The following BCAR3 variants were observed in gnomAD, a reference collection of about 807,000 sequenced individuals.
BCAR3 encodes BCAR3 adaptor protein, NSP family member.
BCAR3 carries 37 observed loss-of-function variants against 80.1 expected under a neutral mutation model. The observed-to-expected ratio is 0.46, with a 90% CI of 0.36 to 0.61. BCAR3 has a LOEUF of 0.61. Ranked by LOEUF, BCAR3 falls within the 20% of genes least tolerant of loss-of-function variation. The pLI, the probability that BCAR3 is intolerant of heterozygous loss-of-function variation, is 0.00. For synonymous variants in BCAR3, 389 were observed against 418.9 expected, an observed-to-expected ratio of 0.93 and a Z score of 0.87; for missense variants, 978 against 1,068.2, an observed-to-expected ratio of 0.92 and a Z score of 1.18.
chr1:93,640,170 G>A (rs1675932730), intron 3 of BCAR3, among the ~76,000 whole-genome samples: 1 of 152,116 alleles, frequency 6.6e-6, no homozygotes, highest in Admixed American at 6.5e-5. Context: ...GCACCAGCTG[G>A]CATCAACTTA....
intron 2 of BCAR3, among the ~76,000 whole-genome samples, chr1:93,790,812 C>T (rs1653127094): frequency 2.5e-5 from 2 of 79,358 alleles, no homozygotes; most frequent in African/African-American, 6.0e-5. Flanking sequence ...CCTCCCCCGA[C>T]CCCACCACAG....
intron 2 of BCAR3, among the ~76,000 whole-genome samples, chr1:93,841,067 G>A (rs1654944413): frequency 6.6e-6 from 1 of 152,028 alleles, no homozygotes; most frequent in South Asian, 2.1e-4. Context: ...GGGAATCCAG[G>A]AGTCCCTCCC....
chr1:93,581,876 A>G (rs1386462416), intron 7 of BCAR3, among the ~76,000 whole-genome samples: 1 of 152,240 alleles, frequency 6.6e-6, no homozygotes. Flanking sequence ...TTCATCTACA[A>G]TCTACTCTCC....
At chr1:93,677,529 G>A (rs1253066415) in intron 1 of BCAR3, among the ~76,000 whole-genome samples, 2 of 152,170 alleles carry the variant, frequency 1.3e-5, no homozygotes, top group African/African-American at 4.8e-5. Context: ...AGGAGGCAGG[G>A]AGGTTACTGA....
chr1:93,703,452 A>G (rs1468918810), intron 3 of BCAR3, among the ~76,000 whole-genome samples: 1 of 151,856 alleles, frequency 6.6e-6, no homozygotes, highest in Non-Finnish European at 1.5e-5. Flanking sequence ...CTGTAGTCCT[A>G]CCTACTCGGG....
intron 2 of BCAR3, among the ~76,000 whole-genome samples, chr1:93,708,734 A>G (rs1649911334): frequency 6.6e-6 from 1 of 152,198 alleles, no homozygotes; most frequent in Admixed American, 6.5e-5. Context: ...TATCTACAAA[A>G]AAAGACCATC....
chr1:93,731,653 A>AAAAT (rs1650794856), intron 2 of BCAR3, among the ~76,000 whole-genome samples: 1 of 40,800 alleles, frequency 2.5e-5, no homozygotes, highest in African/African-American at 6.6e-5. Context: ...AAAGTAAAAT[A>AAAAT]AAATAAAATA....
At chr1:93,801,316 T>C (rs1206641946) in intron 2 of BCAR3, among the ~76,000 whole-genome samples, 1 of 152,234 alleles carries the variant, frequency 6.6e-6, no homozygotes, top group Non-Finnish European at 1.5e-5. Context: ...TCTGTATAAC[T>C]GGCCAATTTA....
At chr1:93,598,418 A>G (rs1332013045) in intron 3 of BCAR3, among the ~76,000 whole-genome samples, 1 of 152,210 alleles carries the variant, frequency 6.6e-6, no homozygotes, top group Non-Finnish European at 1.5e-5. Context: ...TAGTTCCCAC[A>G]GGATTTTAAA....
intron 2 of BCAR3, among the ~76,000 whole-genome samples, chr1:93,729,603 G>A (rs1274816990): frequency 1.3e-5 from 2 of 152,142 alleles, no homozygotes; most frequent in Non-Finnish European, 2.9e-5. Context: ...CCACCCCACC[G>A]GAAGCCCTGA....
chr1:93,826,393 C>T (rs1654373681), intron 2 of BCAR3, among the ~76,000 whole-genome samples: 1 of 152,198 alleles, frequency 6.6e-6, no homozygotes, highest in Non-Finnish European at 1.5e-5. Context: ...GCCACCCATC[C>T]CTTCCCCATC....
chr1:93,570,464 T>C (rs1396772503), intron 9 of BCAR3, among the ~76,000 whole-genome samples: 1 of 152,186 alleles, frequency 6.6e-6, no homozygotes, highest in African/African-American at 2.4e-5. Context: ...TCCTCAGCAA[T>C]AAAGATGGCA....
chr1:93,803,892 T>G (rs1208104151), intron 2 of BCAR3, among the ~76,000 whole-genome samples: 1 of 152,194 alleles, frequency 6.6e-6, no homozygotes, highest in Non-Finnish European at 1.5e-5. Context: ...AAATATGCTA[T>G]TGATGTATAT....
chr1:93,763,112 C>T (rs147023585), intron 2 of BCAR3, among the ~76,000 whole-genome samples: 2 of 152,302 alleles, frequency 1.3e-5, no homozygotes, highest in Non-Finnish European at 2.9e-5. Flanking sequence ...TTGCTTGTTA[C>T]AAGTGTGGTA....
chr1:93,815,324 A>G (rs922258926), intron 2 of BCAR3, among the ~76,000 whole-genome samples: 11 of 152,218 alleles, frequency 7.2e-5, no homozygotes, highest in Non-Finnish European at 1.6e-4. Flanking sequence ...GAACTATGAG[A>G]AATAAGCAGA....
chr1:93,697,812 C>T (rs1244411758), intron 3 of BCAR3, among the ~76,000 whole-genome samples: 1 of 152,052 alleles, frequency 6.6e-6, no homozygotes, highest in African/African-American at 2.4e-5. Flanking sequence ...AACCCCATCT[C>T]TACTAAAAAC....
chr1:93,690,594 A>G (rs912775023), intron 3 of BCAR3, among the ~76,000 whole-genome samples: 1 of 152,190 alleles, frequency 6.6e-6, no homozygotes, highest in African/African-American at 2.4e-5. Flanking sequence ...AACAAATAGC[A>G]CTGCTTTTAG....
intron 2 of BCAR3, among the ~76,000 whole-genome samples, chr1:93,645,524 C>T (rs112005771): frequency 1.2e-3 from 187 of 151,852 alleles, no homozygotes; most frequent in African/African-American, 4.1e-3. Context: ...TCTGCTGTTA[C>T]TTTTCCACTG....
chr1:93,639,327 C>T (rs1675905759), intron 3 of BCAR3, among the ~76,000 whole-genome samples: 1 of 152,140 alleles, frequency 6.6e-6, no homozygotes, highest in Non-Finnish European at 1.5e-5. Flanking sequence ...AGTCCCCTCG[C>T]CCCACGAGCT....
Sources: gnomAD v4.1 joint callset for allele counts (sites outside exome capture counted in the v4.1 genomes callset) on GRCh38, gnomAD v4.1.1 for gene constraint, MANE v1.5 for transcripts, NCBI Gene and HGNC (gene_info 2026-07-23, HGNC 2026-07-21) for gene names.